EPHA6: variants seen among roughly 807,000 people sequenced by gnomAD.
EPHA6 encodes the protein EPH receptor A6.
In EPHA6, 50 loss-of-function variants were observed where a neutral mutation model predicts 112.0. The ratio of observed to expected loss-of-function variants is 0.45; its 90% CI spans 0.36 to 0.56. The LOEUF is 0.56. Ranked by LOEUF, EPHA6 falls within the 20% of genes least tolerant of loss-of-function variation. EPHA6 has a pLI of 0.00. For synonymous variants in EPHA6, 529 were observed against 490.7 expected (o/e 1.08, Z -1.03); for missense variants, 1,280 against 1,417.4 (o/e 0.90, Z 1.56).
intron 1 of EPHA6, among the ~76,000 whole-genome samples, chr3:96,831,725 C>T (rs888926181): frequency 1.3e-5 from 2 of 151,996 alleles, no homozygotes; most frequent in African/African-American, 4.8e-5. Context: ...TTATCTGTAT[C>T]ATTCAAGTTC....
intron 6 of EPHA6, among the ~76,000 whole-genome samples, chr3:97,408,504 C>T (rs2087507900): frequency 6.6e-6 from 1 of 151,994 alleles, no homozygotes; most frequent in South Asian, 2.1e-4. Flanking sequence ...TCATTATTCT[C>T]TTAGTCTGTT....
At chr3:97,149,824 A>C (rs1402039120) in intron 3 of EPHA6, among the ~76,000 whole-genome samples, 1 of 150,210 alleles carries the variant, frequency 6.7e-6, no homozygotes, top group Non-Finnish European at 1.5e-5. Flanking sequence ...CTAATTTTTA[A>C]AGAGTATGTA....
At chr3:97,272,935 G>A (rs1437712874) in intron 5 of EPHA6, among the ~76,000 whole-genome samples, 1 of 152,016 alleles carries the variant, frequency 6.6e-6, no homozygotes, top group Non-Finnish European at 1.5e-5. Flanking sequence ...AAATTTTGGG[G>A]GGTGGTATGG....
At chr3:97,211,140 C>T (rs1178685290) in intron 3 of EPHA6, among the ~76,000 whole-genome samples, 5 of 152,262 alleles carry the variant, frequency 3.3e-5, no homozygotes, top group African/African-American at 9.6e-5. Context: ...GAGAAGAGAA[C>T]GGAGGCCTAA....
At position 97,213,507 on chromosome 3, in the gene EPHA6, T is replaced by C. The variant is rs1449327744; in HGVS notation, c.1115-12757T>C. Among the ~76,000 whole-genome samples, 8 of 151,914 alleles carry C rather than the reference T, an allele frequency of 5.3e-5. No individual in the cohort carries two copies. The East Asian group carries it at 1.5e-3, about 29-fold the overall frequency. On this transcript the variant is annotated intron_variant, in intron 3 of 17. Transcript: ENST00000389672. The stretch of plus-strand genomic sequence containing the variant: ...CCACATTCTCTCTGAGCATTATGAG[T>C]TCTGATTCCCACTCCTAAAGCTAAA...
chr3:97,029,932 TTTGGTACTGCGTC>T (rs1203633334), intron 3 of EPHA6, among the ~76,000 whole-genome samples: 1 of 152,106 alleles, frequency 6.6e-6, no homozygotes, highest in African/African-American at 2.4e-5. Context: ...GGATAAGCAA[TTTGGTACTGCGTC>T]TCCAGGTTCA....
At chr3:97,122,147 A>G (rs377421635) in intron 3 of EPHA6, among the ~76,000 whole-genome samples, 5 of 152,218 alleles carry the variant, frequency 3.3e-5, no homozygotes, top group South Asian at 2.1e-4. Context: ...ATCTAGAATT[A>G]CTATAAAATT....
chr3:97,044,701 A>G (rs2045440596), intron 3 of EPHA6, among the ~76,000 whole-genome samples: 1 of 150,922 alleles, frequency 6.6e-6, no homozygotes, highest in African/African-American at 2.5e-5. Context: ...TTAACCAAAC[A>G]ACTATGTTCT....
intron 5 of EPHA6, among the ~76,000 whole-genome samples, chr3:97,372,629 G>A (rs928212662): frequency 3.9e-5 from 6 of 152,074 alleles, no homozygotes; most frequent in African/African-American, 1.4e-4. Context: ...TGAACCAGAT[G>A]TGCATGCATT....
intron 7 of EPHA6, chr3:97,466,360 C>A: frequency 6.2e-7 from 1 of 1,607,804 alleles, no homozygotes; most frequent in Non-Finnish European, 8.5e-7. Flanking sequence ...ATCGCCCTGC[C>A]CCATATCAGC....
At chr3:97,521,988 A>G (rs1019293207) in intron 10 of EPHA6, among the ~76,000 whole-genome samples, 3 of 151,362 alleles carry the variant, frequency 2.0e-5, no homozygotes, top group Non-Finnish European at 2.9e-5. Context: ...CAGTGACATG[A>G]TCATAGCTCA....
intron 3 of EPHA6, among the ~76,000 whole-genome samples, chr3:97,130,255 C>G (rs901584516): frequency 6.6e-6 from 1 of 151,838 alleles, no homozygotes; most frequent in South Asian, 2.1e-4. Context: ...CATTCTCTTA[C>G]CATCTCGGGG....
chr3:97,510,313 C>T (rs2092340438), intron 10 of EPHA6, among the ~76,000 whole-genome samples: 2 of 152,188 alleles, frequency 1.3e-5, no homozygotes, highest in Non-Finnish European at 2.9e-5. Context: ...GGTTTTTCCT[C>T]ATCATGGATT....
At chr3:97,323,266 T>C (rs1367167890) in intron 5 of EPHA6, among the ~76,000 whole-genome samples, 1 of 151,860 alleles carries the variant, frequency 6.6e-6, no homozygotes, top group Non-Finnish European at 1.5e-5. Flanking sequence ...ATAAGGAAAA[T>C]AGTTTATTAC....
chr3:97,220,924 A>G (rs773540795), intron 3 of EPHA6, among the ~76,000 whole-genome samples: 8 of 152,238 alleles, frequency 5.3e-5, no homozygotes, highest in Admixed American at 2.0e-4. Context: ...GAAAGCAGAG[A>G]AAGGCAGACC....
chr3:97,532,261 A>G, intron 10 of EPHA6, 97 bp from the exon 11 acceptor site: 5 of 1,036,942 alleles, frequency 4.8e-6, no homozygotes, highest in Non-Finnish European at 7.0e-6. Context: ...CTTAAGAGTC[A>G]TTATGTGAAA....
chr3:97,135,691 G>C (rs1559749805), intron 3 of EPHA6, among the ~76,000 whole-genome samples: 1 of 150,592 alleles, frequency 6.6e-6, no homozygotes, highest in Non-Finnish European at 1.5e-5. Context: ...TGCCCATACT[G>C]CTGGTTCCTG....
At chr3:97,408,107 G>A (rs2087476823) in intron 6 of EPHA6, among the ~76,000 whole-genome samples, 1 of 152,000 alleles carries the variant, frequency 6.6e-6, no homozygotes, top group African/African-American at 2.4e-5. Flanking sequence ...TCACCCAACA[G>A]AAGAGGAGAA....
intron 2 of EPHA6, among the ~76,000 whole-genome samples, chr3:96,921,151 A>G (rs537052758): frequency 3.3e-5 from 5 of 152,252 alleles, no homozygotes; most frequent in African/African-American, 1.2e-4. Flanking sequence ...CAAAAACTCA[A>G]TTATGGTAGT....
Sources: gnomAD v4.1 joint callset for allele counts (sites outside exome capture counted in the v4.1 genomes callset) on GRCh38, gnomAD v4.1.1 for gene constraint, MANE v1.5 for transcripts, NCBI Gene and HGNC (gene_info 2026-07-23, HGNC 2026-07-21) for gene names.